Variants in OTUD7B observed in about 807,000 individuals in gnomAD.
The protein encoded by OTUD7B is OTU deubiquitinase 7B.
A neutral mutation model predicts 82.2 loss-of-function variants in OTUD7B; 34 were observed. That is an observed-to-expected ratio of 0.41 (90% CI 0.31 to 0.55). The LOEUF (loss-of-function observed/expected upper bound fraction) is 0.55. Among genes scored for constraint, OTUD7B ranks in the 20% least tolerant of loss-of-function variants. OTUD7B has a pLI of 0.20. For missense variants in OTUD7B, 944 were observed against 1,062.1 expected (o/e 0.89, Z 1.55); for synonymous variants, 398 against 402.7 (o/e 0.99, Z 0.14).
chr1:149,997,756 CT>C (rs1652012691), intron 1 of OTUD7B, among the ~76,000 whole-genome samples: 1 of 152,200 alleles, frequency 6.6e-6, no homozygotes, highest in African/African-American at 2.4e-5. Flanking sequence ...ACTGAAACAG[CT>C]TGTGGTTAAA....
intron 7 of OTUD7B, among the ~76,000 whole-genome samples, chr1:149,956,716 T>C (rs1265327805): frequency 6.9e-6 from 1 of 145,358 alleles, no homozygotes; most frequent in Non-Finnish European, 1.5e-5. Flanking sequence ...CATATTTCTT[T>C]GAGGATTTGT....
In OTUD7B at chr1:149,944,820, G is replaced by GC. The variant is rs1286903993; in HGVS notation, c.1568dup (p.Leu524ProfsTer23). On this transcript the variant is annotated frameshift_variant, in exon 12 of 12. Transcript: ENST00000581312. LOFTEE classifies it high-confidence loss of function. ...GCTTTGAACCCTTGCTGTGCATCAGGCCCCCCATGTTCTTCTTGAGCTTGC... is the reference window on the plus strand; with the variant it reads ...GCTTTGAACCCTTGCTGTGCATCAGGCCCCCCCATGTTCTTCTTGAGCTTGC... 6.2e-7 allele frequency: 1 copy of GC among 1,613,888 alleles called. No individual in the cohort carries two copies. Among genetic ancestry groups the GC allele is most frequent in the African/African-American group, 1.3e-5 (1 of 74,854 alleles).
intron 1 of OTUD7B, among the ~76,000 whole-genome samples, chr1:149,991,891 T>A (rs1006334081): frequency 1.3e-5 from 2 of 152,182 alleles, no homozygotes; most frequent in African/African-American, 2.4e-5. Flanking sequence ...CTAGGAAATT[T>A]AATCACTTAA....
intron 1 of OTUD7B, among the ~76,000 whole-genome samples, chr1:149,981,600 T>C (rs1047115034): frequency 2.7e-5 from 4 of 150,060 alleles, no homozygotes; most frequent in African/African-American, 1.0e-4. Flanking sequence ...CATCATGATG[T>C]TGTTATGAGC....
At chr1:149,983,114 C>CA (rs782227047) in intron 1 of OTUD7B, among the ~76,000 whole-genome samples, 8 of 152,184 alleles carry the variant, frequency 5.3e-5, no homozygotes, top group Non-Finnish European at 1.0e-4. Flanking sequence ...CTTGGCCTCC[C>CA]AAAGTGCTGG....
chr1:150,044,808 G>A, the OTUD7B span, among the ~76,000 whole-genome samples: 1 of 151,838 alleles, frequency 6.6e-6, no homozygotes, highest in South Asian at 2.1e-4. Context: ...AACTTCATAA[G>A]GGTGAAAAAT....
the OTUD7B span, among the ~76,000 whole-genome samples, chr1:150,064,548 G>C: frequency 6.6e-6 from 1 of 152,024 alleles, no homozygotes; most frequent in Non-Finnish European, 1.5e-5. Flanking sequence ...TTTAAATTTT[G>C]TGTAGAGACA....
At chr1:150,060,610 T>C in the OTUD7B span, among the ~76,000 whole-genome samples, 2 of 152,308 alleles carry the variant, frequency 1.3e-5, no homozygotes, top group South Asian at 4.1e-4. Flanking sequence ...ATGCAATAGG[T>C]ATTTACTGAA....
At chr1:150,021,280 C>T in the OTUD7B span, among the ~76,000 whole-genome samples, 1 of 151,902 alleles carries the variant, frequency 6.6e-6, no homozygotes, top group African/African-American at 2.4e-5. Flanking sequence ...TTTCCAGTGG[C>T]GGTGAGGAAG....
chr1:150,041,559 C>A, the OTUD7B span, among the ~76,000 whole-genome samples: 3 of 151,986 alleles, frequency 2.0e-5, no homozygotes, highest in African/African-American at 7.3e-5. Flanking sequence ...GTCTCAAACT[C>A]CTGGCCTCAA....
chr1:149,974,147 C>T (rs1235574164), intron 2 of OTUD7B, among the ~76,000 whole-genome samples: 1 of 152,148 alleles, frequency 6.6e-6, no homozygotes, highest in Non-Finnish European at 1.5e-5. Context: ...TCACTGCAAC[C>T]TCTGCCCTCC....
At chr1:150,044,008 C>T in the OTUD7B span, among the ~76,000 whole-genome samples, 1 of 151,982 alleles carries the variant, frequency 6.6e-6, no homozygotes, top group Non-Finnish European at 1.5e-5. Flanking sequence ...GTCCCAGCTA[C>T]TCAGGAAGCT....
intron 7 of OTUD7B, among the ~76,000 whole-genome samples, chr1:149,957,138 T>TGAGGAGGCAGTCTGTCCG (rs1648746771): frequency 3.4e-4 from 50 of 148,558 alleles, no homozygotes; most frequent in African/African-American, 1.2e-3. Flanking sequence ...ATTTTCAGCT[T>TGAGGAGGCAGTCTGTCCG]TTCTGCTCTG....
chr1:149,949,648 C>T lies in OTUD7B; in HGVS notation c.1104G>A (p.Lys368=), dbSNP rs1553772873. 1 of 1,614,144 alleles carries T rather than the reference C, an allele frequency of 6.2e-7. No individual in the cohort carries two copies. Among genetic ancestry groups the T allele is most frequent in the South Asian group, 1.1e-5 (1 of 91,076 alleles). ...HFSALVSMEQ[K]ENTKEQAVIP... ...CAGCACCTTGTTCCTTGGTATTCTC[C>T]TTCTGCTCCATGGACACGAGTGCAG... The change falls in exon 9 of 12, where the codon AAG becomes AAA. Residue 368 remains lysine, a synonymous_variant. Transcript: ENST00000581312.
In OTUD7B at chr1:149,955,614, G is replaced by A. The variant is rs587601860; in HGVS notation, c.845+4070C>T. On this transcript the variant is annotated intron_variant, in intron 7 of 11. Coordinates refer to ENST00000581312, the MANE Select transcript of OTUD7B (RefSeq NM_020205.4). ...GATATCCTTTTTAACTTTCTGTCTC[G>A]TTGATCTCTCTAATGTTGACAGTGG... is the stretch of plus-strand genomic sequence containing the variant. Among the ~76,000 whole-genome samples the A allele has an allele frequency of 7.6e-4, 116 of 152,108 alleles. 1 individual carries two copies. Among genetic ancestry groups the A allele is most frequent in the African/African-American group, 2.5e-3 (105 of 41,500 alleles).
At chr1:149,967,769 C>G (rs1229270311) in intron 3 of OTUD7B, among the ~76,000 whole-genome samples, 1 of 152,128 alleles carries the variant, frequency 6.6e-6, no homozygotes, top group Admixed American at 6.6e-5. Flanking sequence ...TGGAATTTGC[C>G]TGATCTTCCC....
chr1:149,959,604 G>A lies in OTUD7B; in HGVS notation c.845+80C>T, dbSNP rs961247283. The A allele has an allele frequency of 6.0e-6, 5 of 839,212 alleles. No homozygotes were observed. In the African/African-American group the frequency reaches 8.4e-5, roughly 14 times the overall value. The allele number at this position is 839,212 out of a possible 1,614,324, so 52.0% of individuals were successfully genotyped here. On this transcript the variant is annotated intron_variant, in intron 7 of 11. Coordinates refer to ENST00000581312, the MANE Select transcript of OTUD7B (RefSeq NM_020205.4). ...TTCCTTCTAATATCCTCTTAGCACA[G>A]AGCTCTCTAGACACTGGGCTGTGGA...
At chr1:149,953,613 C>T (rs185887692) in intron 7 of OTUD7B, among the ~76,000 whole-genome samples, 1 of 152,280 alleles carries the variant, frequency 6.6e-6, no homozygotes, top group Admixed American at 6.5e-5. Flanking sequence ...ATGGGGATGG[C>T]ACTGAGTCTA....
At position 149,948,997 on chromosome 1, in the gene OTUD7B, C is replaced by G; in HGVS notation, c.1210G>C (p.Asp404His). 1.9e-6 allele frequency: 3 copies of G among 1,613,598 alleles called. No individual in the cohort carries two copies. The highest frequency in any genetic ancestry group is 2.5e-6 in the Non-Finnish European group (3 of 1,179,470). Reference sequence around the variant, plus strand: ...GCCAATCGGACATTGTCACTATCATCTTTGCCCCACTCCCAGCCCTTTCCA... The same window carrying G: ...GCCAATCGGACATTGTCACTATCATGTTTGCCCCACTCCCAGCCCTTTCCA... ...DPGKGWEWGKDDSDNVRLASV... is the reference protein window; with the variant it reads ...DPGKGWEWGKHDSDNVRLASV... The change falls in exon 10 of 12, where the codon GAT (aspartate) becomes CAT (histidine). Residue 404 changes from aspartate (D) to histidine (H), a missense_variant. This residue lies in a region of OTUD7B where 530 missense variants were observed against 625.6 expected (regional missense o/e 0.85). Coordinates refer to ENST00000581312, the MANE Select transcript of OTUD7B (RefSeq NM_020205.4).
Sources: gnomAD v4.1 joint callset for allele counts (sites outside exome capture counted in the v4.1 genomes callset) on GRCh38, gnomAD v4.1.1 for gene constraint, gnomAD v4.1.1 regional missense constraint, MANE v1.5 for transcripts, NCBI Gene and HGNC (gene_info 2026-07-23, HGNC 2026-07-21) for gene names.